HK3: variants seen among roughly 807,000 people sequenced by gnomAD.
The protein encoded by HK3 is hexokinase 3, also known as hexokinase-3.
In HK3, 93 loss-of-function variants were observed where a neutral mutation model predicts 91.0. That is an observed-to-expected ratio of 1.02 (90% CI 0.86 to 1.21). The LOEUF is 1.21. HK3 is among the 50% of genes most tolerant of loss of function. The pLI, the probability that HK3 is intolerant of heterozygous loss-of-function variation, is 0.00. For synonymous variants in HK3, 519 were observed against 516.9 expected (o/e 1.00, Z -0.06); for missense variants, 1,235 against 1,247.4 (o/e 0.99, Z 0.15).
intron 1 of HK3, 97 bp from the exon 2 acceptor site, chr5:176,896,282 G>A: frequency 1.8e-6 from 1 of 553,562 alleles, no homozygotes; most frequent in Non-Finnish European, 3.1e-6. Flanking sequence ...AAGGGGACCA[G>A]GAAGGAAGCT....
Position 176,886,984 on chromosome 5 carries a change from C to A in HK3, c.1857+18G>T. 1 of 1,613,622 alleles carries A rather than the reference C, an allele frequency of 6.2e-7. No homozygotes were observed. The highest frequency in any genetic ancestry group is 8.5e-7 in the Non-Finnish European group (1 of 1,179,818). On this transcript the variant is annotated intron_variant, in intron 13 of 18. Coordinates refer to ENST00000292432, the MANE Select transcript of HK3 (RefSeq NM_002115.3). ...GGCAGGAGGCCCTTGGGAATCACTT[C>A]TCTTGGCCCTCCCTCACCTGGTCTA...
rs1245386568 is a variant in HK3 at position 176,887,978 on chromosome 5, G to A, written c.1305-232C>T. On this transcript the variant is annotated intron_variant, in intron 10 of 18. Coordinates refer to ENST00000292432, the MANE Select transcript of HK3 (RefSeq NM_002115.3). The surrounding 1 kb of genome is among the most constrained non-coding windows in gnomAD (Gnocchi z 4.9). The stretch of plus-strand genomic sequence containing the variant: ...TGCCACGGAGTGATCATGGCTTACT[G>A]TAACCTCAAACTCCCAGGCTCCAAT... Among the ~76,000 whole-genome samples the A allele has an allele frequency of 6.6e-6, 1 of 151,646 alleles. No homozygotes were observed. Among genetic ancestry groups the A allele is most frequent in the African/African-American group, 2.4e-5 (1 of 41,198 alleles).
At chr5:176,888,248 A>G (rs941157321) in intron 10 of HK3, 84 bp downstream of exon 10, 13 of 1,181,070 alleles carry the variant, frequency 1.1e-5, no homozygotes, top group African/African-American at 1.5e-5. Context: ...TGGCTTGCAC[A>G]TGTGATCCCA....
Position 176,891,153 on chromosome 5 carries a change from C to T in HK3, c.298G>A (p.Gly100Arg). Reference sequence around the variant, plus strand: ...ACCCACAAAACACGCAGTGAGGCCCCTGTGGCCCCCAGCTCCAGCACCACG... The same window carrying T: ...ACCCACAAAACACGCAGTGAGGCCCTTGTGGCCCCCAGCTCCAGCACCACG... ...DFVVLELGAT[G>R]ASLRVLWVTL... The change falls in exon 4 of 19, where the codon GGG becomes AGG. Residue 100 changes from glycine to arginine, a missense_variant. This residue lies in a region of HK3 where 717 missense variants were observed against 751.6 expected (regional missense o/e 0.95). Coordinates refer to ENST00000292432, the MANE Select transcript of HK3 (RefSeq NM_002115.3). 3 of 1,614,182 alleles carry T rather than the reference C, an allele frequency of 1.9e-6. No homozygotes were observed. The highest frequency in any genetic ancestry group is 2.5e-6 in the Non-Finnish European group (3 of 1,180,038).
intron 2 of HK3, among the ~76,000 whole-genome samples, chr5:176,892,222 A>G (rs1475599178): frequency 2.0e-5 from 3 of 152,218 alleles, no homozygotes; most frequent in African/African-American, 7.2e-5. Context: ...TCCAGTAGTG[A>G]TGGTGGCTAT....
chr5:176,890,950 G>T lies in HK3; in HGVS notation c.415-9C>A. ...GCAGCAAAGTCAAAGAGCTGCAGGA[G>T]AAGTGGGGGGGCTCAGCCTTGCCCA... On this transcript the variant is annotated splice_polypyrimidine_tract_variant and intron_variant, in intron 4 of 18. Coordinates refer to ENST00000292432, the MANE Select transcript of HK3 (RefSeq NM_002115.3). The T allele has an allele frequency of 6.2e-7, 1 of 1,613,970 alleles. No individual in the cohort carries two copies. Among genetic ancestry groups the T allele is most frequent in the Non-Finnish European group, 8.5e-7 (1 of 1,179,986 alleles).
intron 2 of HK3, among the ~76,000 whole-genome samples, chr5:176,894,126 G>A (rs1458376073): frequency 6.6e-6 from 1 of 152,152 alleles, no homozygotes; most frequent in Non-Finnish European, 1.5e-5. Flanking sequence ...AGTGGAACAC[G>A]GATTCCCTGT....
rs1758522379 is a variant in HK3, at chr5:176,884,191, T to C, written c.1858-57A>G. On this transcript the variant is annotated intron_variant, in intron 13 of 18. Transcript: ENST00000292432. This position sits in a 1 kb window ranked among gnomAD's most constrained non-coding sequence, Gnocchi z 4.1. Reference sequence around the variant, plus strand: ...GCTGGAGGCCCCTTCAGGCTCACTCTGCCTCTGCAAAACCTGCATCCATCA... The same window carrying C: ...GCTGGAGGCCCCTTCAGGCTCACTCCGCCTCTGCAAAACCTGCATCCATCA... 8 of 1,407,172 alleles carry C rather than the reference T, an allele frequency of 5.7e-6. No homozygotes were observed. The highest frequency in any genetic ancestry group is 8.1e-6 in the Non-Finnish European group (8 of 991,836). The allele number at this position is 1,407,172 out of a possible 1,614,324, so 87.2% of individuals were successfully genotyped here. A position where few individuals can be genotyped will look rare whatever the true frequency, so the allele number is the denominator to read the frequency against.
chr5:176,883,135 T>A (rs967802005), intron 15 of HK3, among the ~76,000 whole-genome samples: 1 of 152,224 alleles, frequency 6.6e-6, no homozygotes, highest in African/African-American at 2.4e-5. Flanking sequence ...CTACGTGTTG[T>A]TCTGGGCTTA....
At chr5:176,886,867 G>T in intron 13 of HK3, 135 bp downstream of exon 13, 2 of 1,018,654 alleles carry the variant, frequency 2.0e-6, no homozygotes, top group Admixed American at 2.3e-5. Flanking sequence ...TGCAAGCCCA[G>T]CCCAGCAGTG....
At position 176,881,420 on chromosome 5, in the gene HK3, C is replaced by A. The variant is rs775371647; in HGVS notation, c.2509G>T (p.Ala837Ser). Residue 837 changes from alanine (A) to serine (S), a missense_variant, in exon 18 of 19, where the codon GCC (alanine) becomes TCC (serine). Around this residue, in one of 3 missense-constraint regions of HK3, gnomAD observed 513 missense variants for 477.4 expected, o/e 1.07. Coordinates refer to ENST00000292432, the MANE Select transcript of HK3 (RefSeq NM_002115.3). ...EVCQAVSQRA[A>S]QLCGAGVAAV... is the part of the protein sequence containing the mutation. ...GCTACACCCGCCCCACAGAGCTGGG[C>A]AGCCCTCTGGGACACAGCCTGGCAC... 3.7e-6 allele frequency: 6 copies of A among 1,612,562 alleles called. No individual in the cohort carries two copies. The highest frequency in any genetic ancestry group is 2.2e-5 in the South Asian group (2 of 91,090).
chr5:176,881,512 A>T lies in HK3; in HGVS notation c.2417T>A (p.Val806Asp). 6.2e-7 allele frequency: 1 copy of T among 1,603,186 alleles called. No individual in the cohort carries two copies. The highest frequency in any genetic ancestry group is 1.3e-5 in the African/African-American group (1 of 74,990). Reference sequence around the variant, plus strand: ...CCCCAGATCCTCTAGGATGGCTCGGACCTGCCGCAGGGCCAGGCTGTCACT... The same window carrying T: ...CCCCAGATCCTCTAGGATGGCTCGGTCCTGCCGCAGGGCCAGGCTGTCACT... ...IESDSLALRQ[V>D]RAILEDLGLP... Residue 806 changes from valine (V) to aspartate (D), a missense_variant, in exon 18 of 19, where the codon GTC (valine) becomes GAC (aspartate). Val to Asp is a radical substitution (Grantham distance 152, BLOSUM62 -3). Around this residue, in one of 3 missense-constraint regions of HK3, gnomAD observed 513 missense variants for 477.4 expected, o/e 1.07. Transcript: ENST00000292432.
chr5:176,881,694 T>G lies in HK3; in HGVS notation c.2391A>C (p.Glu797Asp), dbSNP rs147646246. The G allele has an allele frequency of 5.4e-5, 87 of 1,613,914 alleles. No individual in the cohort carries two copies. The highest frequency in any genetic ancestry group is 6.8e-5 in the Non-Finnish European group (80 of 1,180,022). ...IFKTKFLSEI[E>D]SDSLALRQVR... is the part of the protein sequence containing the mutation. ...GAGGCAATGTAGGCCTCAGGCACCTTTCGATCTCAGAGAGGAACTTGGTCT... is the reference window on the plus strand; with the variant it reads ...GAGGCAATGTAGGCCTCAGGCACCTGTCGATCTCAGAGAGGAACTTGGTCT... Residue 797 changes from glutamate (E) to aspartate (D), a missense_variant and splice_region_variant, in exon 17 of 19, where the codon GAA (glutamate) becomes GAC (aspartate). By Grantham distance (45) the Glu-to-Asp change is conservative. Around this residue, in one of 3 missense-constraint regions of HK3, gnomAD observed 513 missense variants for 477.4 expected, o/e 1.07. Coordinates refer to ENST00000292432, the MANE Select transcript of HK3 (RefSeq NM_002115.3).
chr5:176,891,390 G>T lies in HK3; in HGVS notation c.257C>A (p.Thr86Asn). ...PTYVGSTPHG[T>N]EQGDFVVLEL... The stretch of plus-strand genomic sequence containing the variant: ...GCATCTCAATCTATGATACCCACCA[G>T]TGCCATGTGGGGTGGACCCCACGTA... Residue 86 changes from threonine to asparagine, a missense_variant and splice_region_variant, in exon 3 of 19, where the codon ACT becomes AAT. Physicochemically the swap from Thr to Asn is moderately conservative, Grantham distance 65 (BLOSUM62 0). Transcript: ENST00000292432. The T allele has an allele frequency of 1.2e-6, 2 of 1,612,780 alleles. No individual in the cohort carries two copies. The highest frequency in any genetic ancestry group is 1.7e-6 in the Non-Finnish European group (2 of 1,179,390).
At chr5:176,894,840 G>A (rs1211379824) in intron 2 of HK3, among the ~76,000 whole-genome samples, 3 of 145,762 alleles carry the variant, frequency 2.1e-5, no homozygotes, top group Middle Eastern at 3.3e-3. Flanking sequence ...GCAGTGGTAC[G>A]ATCTTGGCTC....
At chr5:176,881,600 G>A in intron 17 of HK3, 65 bp from the exon 18 acceptor site, 11 of 1,588,842 alleles carry the variant, frequency 6.9e-6, no homozygotes, top group Non-Finnish European at 9.4e-6. Context: ...TCATCCTCCA[G>A]AGCAGACCTC....
chr5:176,887,840 G>A lies in HK3; in HGVS notation c.1305-94C>T, dbSNP rs1298690343. The A allele has an allele frequency of 2.2e-6, 3 of 1,355,632 alleles. No individual in the cohort carries two copies. The highest frequency in any genetic ancestry group is 3.0e-6 in the Non-Finnish European group (3 of 994,600). The allele number at this position is 1,355,632 out of a possible 1,614,324, so 84.0% of individuals were successfully genotyped here. ...GGCCCTGGACCCCCAGATACATACA[G>A]GTGTGCCCAGCTTGGCCCCAGACCC... On this transcript the variant is annotated intron_variant, in intron 10 of 18. Transcript: ENST00000292432. This position sits in a 1 kb window ranked among gnomAD's most constrained non-coding sequence, Gnocchi z 4.9.
intron 3 of HK3, 92 bp from the exon 4 acceptor site, chr5:176,891,283 G>C (rs777107982): frequency 6.2e-7 from 1 of 1,609,384 alleles, no homozygotes; most frequent in South Asian, 1.1e-5. Context: ...GCAAAGTCTG[G>C]TCAAGGGGCC....
intron 14 of HK3, 57 bp downstream of exon 14, chr5:176,883,982 C>G: frequency 6.3e-7 from 1 of 1,591,388 alleles, no homozygotes; most frequent in East Asian, 2.2e-5. Context: ...GTAGGAGACT[C>G]TTTGCTCCCC....
Sources: allele counts gnomAD v4.1 joint callset (sites outside exome capture counted in the v4.1 genomes callset), GRCh38; gene constraint gnomAD v4.1.1; regional missense constraint gnomAD v4.1.1; non-coding constraint Gnocchi (gnomAD v3.1); transcripts MANE v1.5; gene names NCBI Gene and HGNC (gene_info 2026-07-23, HGNC 2026-07-21).